Variants in SH3GL2 observed in about 807,000 individuals in gnomAD.
SH3GL2 encodes the protein SH3 domain containing GRB2 like 2, endophilin A1.
In SH3GL2, 24 loss-of-function variants were observed where a neutral mutation model predicts 46.0. The observed-to-expected ratio is 0.52, with a 90% CI of 0.38 to 0.73. The LOEUF (loss-of-function observed/expected upper bound fraction) is 0.73. SH3GL2 is among the 30% of genes least tolerant of loss of function. The pLI is 0.00. For synonymous variants in SH3GL2, 196 were observed against 147.1 expected (o/e 1.33, Z -2.40); for missense variants, 413 against 424.2 (o/e 0.97, Z 0.23).
chr9:17,646,685 T>C (rs139229287), intron 1 of SH3GL2, among the ~76,000 whole-genome samples: 1 of 152,138 alleles, frequency 6.6e-6, no homozygotes. Context: ...CCTGTTTGCC[T>C]CGGTATCACC....
At chr9:17,762,461 G>T (rs1823206160) in intron 3 of SH3GL2, among the ~76,000 whole-genome samples, 1 of 151,454 alleles carries the variant, frequency 6.6e-6, no homozygotes, top group Middle Eastern at 3.2e-3. Flanking sequence ...GCTGTACTAA[G>T]TGCTGGCTCC....
At chr9:17,600,163 A>T (rs910472598) in intron 1 of SH3GL2, among the ~76,000 whole-genome samples, 5 of 152,230 alleles carry the variant, frequency 3.3e-5, no homozygotes, top group African/African-American at 1.2e-4. Flanking sequence ...AAGCATTTTC[A>T]TTAAAATTAC....
At chr9:17,664,441 A>C (rs1337536702) in intron 1 of SH3GL2, among the ~76,000 whole-genome samples, 38 of 152,010 alleles carry the variant, frequency 2.5e-4, no homozygotes. Flanking sequence ...ACAACTTTAT[A>C]CCTCTTTGCC....
intron 1 of SH3GL2, among the ~76,000 whole-genome samples, chr9:17,583,893 T>A (rs1307449859): frequency 6.6e-6 from 1 of 152,188 alleles, no homozygotes; most frequent in African/African-American, 2.4e-5. Context: ...TTAAACTTAC[T>A]AAGTATTGGA....
In SH3GL2 at chr9:17,711,492, C is replaced by T. The variant is rs34255577; in HGVS notation, c.46-35574C>T. Among the ~76,000 whole-genome samples the T allele has an allele frequency of 4.7e-3, 712 of 151,922 alleles. 3 individuals carry two copies. The highest frequency in any genetic ancestry group is 0.02 in the Middle Eastern group (6 of 294). ...TTGGTAATTCCTCCATTTCCCCAGACGACCAATGTTATTCTTTCTCTTACC... is the reference window on the plus strand; with the variant it reads ...TTGGTAATTCCTCCATTTCCCCAGATGACCAATGTTATTCTTTCTCTTACC... On this transcript the variant is annotated intron_variant, in intron 1 of 8. Transcript: ENST00000380607.
intron 1 of SH3GL2, among the ~76,000 whole-genome samples, chr9:17,737,460 G>T (rs2118465987): frequency 6.6e-6 from 1 of 152,170 alleles, no homozygotes; most frequent in East Asian, 1.9e-4. Flanking sequence ...TTTGGATCAT[G>T]CTTATTTTGT....
chr9:17,768,391 A>AAAAC (rs1563846462), intron 3 of SH3GL2, among the ~76,000 whole-genome samples: 1 of 150,358 alleles, frequency 6.7e-6, no homozygotes, highest in African/African-American at 2.5e-5. Context: ...AAAAAAAAAA[A>AAAAC]CACCAGATTC....
intron 1 of SH3GL2, among the ~76,000 whole-genome samples, chr9:17,676,891 A>G (rs1588228698): frequency 6.6e-6 from 1 of 152,062 alleles, no homozygotes; most frequent in Non-Finnish European, 1.5e-5. Flanking sequence ...TCTCTTCTCC[A>G]TAATACTGCT....
At chr9:17,704,088 T>G (rs12006550) in intron 1 of SH3GL2, among the ~76,000 whole-genome samples, 1 of 151,144 alleles carries the variant, frequency 6.6e-6, no homozygotes, top group Non-Finnish European at 1.5e-5. Context: ...ATAACTTCAG[T>G]GAAATTTCAG....
chr9:17,637,072 A>T (rs73418690), intron 1 of SH3GL2, among the ~76,000 whole-genome samples: 1 of 152,170 alleles, frequency 6.6e-6, no homozygotes, highest in Admixed American at 6.5e-5. Context: ...TATGACTCAG[A>T]TGGTCTCTTC....
rs550143323 is a variant in SH3GL2, at chr9:17,630,052, A to C, written c.45+50765A>C. Among the ~76,000 whole-genome samples the C allele has an allele frequency of 9.2e-5, 14 of 152,308 alleles. No homozygotes were observed. In the South Asian group the frequency reaches 2.9e-3, roughly 32 times the overall value. On this transcript the variant is annotated intron_variant, in intron 1 of 8. Transcript: ENST00000380607. Reference sequence around the variant, plus strand: ...AGACATAAAAAGCCTCATGTTTTGCAAGTGACTCTCAAATTTAAGCTGGCC... The same window carrying C: ...AGACATAAAAAGCCTCATGTTTTGCCAGTGACTCTCAAATTTAAGCTGGCC...
rs111891626 is a variant in SH3GL2 at position 17,641,524 on chromosome 9, G to A, written c.45+62237G>A. On this transcript the variant is annotated intron_variant, in intron 1 of 8. Transcript: ENST00000380607. ...GTTACATTGATATACATGTGCCATG[G>A]TAGTTTGCTGCACCCATCAACCCGT... Among the ~76,000 whole-genome samples, 406 of 152,160 alleles carry A rather than the reference G, an allele frequency of 2.7e-3. 3 individuals carry two copies. The highest frequency in any genetic ancestry group is 9.2e-3 in the African/African-American group (383 of 41,494).
At chr9:17,707,921 C>G (rs1252216542) in intron 1 of SH3GL2, among the ~76,000 whole-genome samples, 2 of 152,002 alleles carry the variant, frequency 1.3e-5, no homozygotes, top group African/African-American at 2.4e-5. Context: ...TCTCCCAAAT[C>G]CAAATAAAAG....
chr9:17,705,249 T>G (rs528126682), intron 1 of SH3GL2, among the ~76,000 whole-genome samples: 1 of 152,098 alleles, frequency 6.6e-6, no homozygotes, highest in African/African-American at 2.4e-5. Context: ...ATAACAGATG[T>G]TGGCAAGATT....
At chr9:17,751,654 A>T (rs1822851366) in intron 2 of SH3GL2, among the ~76,000 whole-genome samples, 2 of 152,160 alleles carry the variant, frequency 1.3e-5, no homozygotes, top group Non-Finnish European at 2.9e-5. Flanking sequence ...TTTTGTGGTT[A>T]GTAATTTGTT....
chr9:17,789,065 C>T (rs1047337486), intron 5 of SH3GL2, among the ~76,000 whole-genome samples: 6 of 152,310 alleles, frequency 3.9e-5, no homozygotes, highest in Admixed American at 3.3e-4. Context: ...GTGTGTAGGG[C>T]ATGTGCATTC....
intron 1 of SH3GL2, among the ~76,000 whole-genome samples, chr9:17,719,311 G>A (rs899649277): frequency 3.9e-5 from 6 of 152,152 alleles, no homozygotes; most frequent in Non-Finnish European, 8.8e-5. Context: ...ATTGTAAAGT[G>A]ATACATGTGA....
intron 1 of SH3GL2, among the ~76,000 whole-genome samples, chr9:17,598,491 A>G (rs563312049): frequency 6.6e-6 from 1 of 152,324 alleles, no homozygotes; most frequent in East Asian, 1.9e-4. Context: ...TGAGAAATTG[A>G]GGCTGAGAAG....
intron 3 of SH3GL2, among the ~76,000 whole-genome samples, chr9:17,775,254 A>G (rs1347042200): frequency 6.6e-6 from 1 of 152,002 alleles, no homozygotes; most frequent in African/African-American, 2.4e-5. Context: ...TTTTCCATCA[A>G]TTAAAGACAT....
Sources: gnomAD v4.1 joint callset for allele counts (sites outside exome capture counted in the v4.1 genomes callset) on GRCh38, gnomAD v4.1.1 for gene constraint, MANE v1.5 for transcripts, NCBI Gene and HGNC (gene_info 2026-07-23, HGNC 2026-07-21) for gene names.